PACRG: variants seen among roughly 807,000 people sequenced by gnomAD.
PACRG encodes the protein parkin coregulated, also known as parkin coregulated gene protein.
In PACRG, 29 loss-of-function variants were observed where a neutral mutation model predicts 29.7. The ratio of observed to expected loss-of-function variants is 0.98; its 90% CI spans 0.73 to 1.33. The LOEUF (loss-of-function observed/expected upper bound fraction) is 1.33, where lower values mean the gene tolerates loss of function less well. Among genes scored for constraint, PACRG ranks in the 40% most tolerant of loss-of-function variants. The probability of loss-of-function intolerance (pLI) is 0.00; values close to 1 mark genes in which losing one functional copy is unlikely to be tolerated. For synonymous variants in PACRG, 116 were observed against 118.7 expected, an observed-to-expected ratio of 0.98 and a Z score of 0.15; for missense variants, 279 against 316.2, an observed-to-expected ratio of 0.88 and a Z score of 0.89.
chr6:163,024,407 G>A (rs1372757033), intron 2 of PACRG, among the ~76,000 whole-genome samples: 1 of 152,084 alleles, frequency 6.6e-6, no homozygotes, highest in African/African-American at 2.4e-5. Context: ...TTATTTATGA[G>A]TTCTCTCTTC....
intron 2 of PACRG, among the ~76,000 whole-genome samples, chr6:162,936,277 G>C (rs9784845): frequency 0.11 from 17,070 of 152,172 alleles, 1,304 homozygotes; most frequent in East Asian, 0.26. Flanking sequence ...TTCAAGATGA[G>C]ATCTGGGTGG....
chr6:163,136,400 C>G (rs1236361585), intron 4 of PACRG, among the ~76,000 whole-genome samples: 5 of 152,158 alleles, frequency 3.3e-5, no homozygotes, highest in African/African-American at 4.8e-5. Flanking sequence ...TTGTCAAGAT[C>G]CATTTTAAAA....
In PACRG at chr6:162,990,197, A is replaced by G. The variant is rs1803318052; in HGVS notation, c.292-71953A>G. Among the ~76,000 whole-genome samples the G allele has an allele frequency of 8.6e-5, 13 of 151,552 alleles. No homozygotes were observed. In the South Asian group the frequency reaches 2.7e-3, roughly 32 times the overall value. On this transcript the variant is annotated intron_variant, in intron 2 of 4. Coordinates refer to ENST00000366888, the MANE Select transcript of PACRG (RefSeq NM_001080379.2). ...TATTGTGAATAATGCTGCAATAAAC[A>G]TACGTGTGCATGTGTCTTTATAGCA...
intron 4 of PACRG, among the ~76,000 whole-genome samples, chr6:163,112,944 C>T (rs1264428200): frequency 6.6e-6 from 1 of 152,060 alleles, no homozygotes; most frequent in Non-Finnish European, 1.5e-5. Flanking sequence ...TAGACAAAGG[C>T]TTTAAAAACA....
intron 1 of PACRG, among the ~76,000 whole-genome samples, chr6:162,757,329 A>G (rs1782004046): frequency 6.6e-6 from 1 of 152,172 alleles, no homozygotes; most frequent in Non-Finnish European, 1.5e-5. Flanking sequence ...TAAAACTGGC[A>G]TTAGAAGATT....
At chr6:162,867,401 C>A (rs992050848) in intron 2 of PACRG, among the ~76,000 whole-genome samples, 1 of 152,234 alleles carries the variant, frequency 6.6e-6, no homozygotes, top group East Asian at 1.9e-4. Flanking sequence ...AGATGTGAGA[C>A]TTCTTGGACA....
intron 2 of PACRG, among the ~76,000 whole-genome samples, chr6:162,920,229 G>A (rs1796973833): frequency 2.0e-5 from 3 of 152,148 alleles, no homozygotes; most frequent in Admixed American, 1.3e-4. Context: ...GAGGAAGAGA[G>A]GTGCTCTGTA....
At chr6:163,233,621 G>T (rs113422494) in intron 4 of PACRG, among the ~76,000 whole-genome samples, 2,778 of 152,316 alleles carry the variant, frequency 0.018, 92 homozygotes, top group African/African-American at 0.064. Flanking sequence ...AGGCCGTGGA[G>T]GGGGCAGGAT....
chr6:163,271,604 T>C (rs1783834552), intron 4 of PACRG, among the ~76,000 whole-genome samples: 1 of 152,196 alleles, frequency 6.6e-6, no homozygotes, highest in East Asian at 1.9e-4. Context: ...ACTTATTAAA[T>C]AGTTCATGTT....
At chr6:162,778,993 C>T (rs1312247324) in intron 1 of PACRG, among the ~76,000 whole-genome samples, 1 of 152,186 alleles carries the variant, frequency 6.6e-6, no homozygotes, top group African/African-American at 2.4e-5. Context: ...GTATTAAGTT[C>T]AGCACCCATT....
intron 4 of PACRG, among the ~76,000 whole-genome samples, chr6:163,314,573 T>C (rs1785572533): frequency 6.6e-6 from 1 of 152,216 alleles, no homozygotes; most frequent in Non-Finnish European, 1.5e-5. Context: ...CTTGTCATCT[T>C]TCTTGTAACT....
intron 2 of PACRG, among the ~76,000 whole-genome samples, chr6:162,955,652 G>T (rs531712549): frequency 1.3e-5 from 2 of 152,248 alleles, no homozygotes; most frequent in Middle Eastern, 6.8e-3. Context: ...TAGAAATAGC[G>T]TATGATTTAT....
At chr6:163,240,624 C>A (rs1782463307) in intron 4 of PACRG, among the ~76,000 whole-genome samples, 1 of 152,126 alleles carries the variant, frequency 6.6e-6, no homozygotes, top group South Asian at 2.1e-4. Context: ...TCACTTTCAC[C>A]CAGACCTCAC....
At chr6:162,756,822 T>G (rs1781962614) in intron 1 of PACRG, among the ~76,000 whole-genome samples, 1 of 152,168 alleles carries the variant, frequency 6.6e-6, no homozygotes, top group Non-Finnish European at 1.5e-5. Context: ...TTCTATTTGC[T>G]TCGTAGTCAC....
intron 2 of PACRG, among the ~76,000 whole-genome samples, chr6:162,932,278 A>T (rs535194763): frequency 2.0e-5 from 3 of 152,096 alleles, no homozygotes; most frequent in African/African-American, 7.2e-5. Context: ...GTAAAGAAGC[A>T]TGAGAAAACT....
intron 4 of PACRG, among the ~76,000 whole-genome samples, chr6:163,146,715 A>G (rs1379535079): frequency 6.6e-6 from 1 of 152,232 alleles, no homozygotes; most frequent in African/African-American, 2.4e-5. Context: ...CAAAGGATCT[A>G]ATAACATCTT....
At chr6:162,931,754 A>G (rs574703246) in intron 2 of PACRG, among the ~76,000 whole-genome samples, 47 of 152,160 alleles carry the variant, frequency 3.1e-4, no homozygotes, top group Non-Finnish European at 5.3e-4. Flanking sequence ...AAGACTTATT[A>G]TGTCATGTGT....
At chr6:163,240,750 C>T (rs1341958544) in intron 4 of PACRG, among the ~76,000 whole-genome samples, 1 of 152,212 alleles carries the variant, frequency 6.6e-6, no homozygotes, top group Non-Finnish European at 1.5e-5. Flanking sequence ...GCCGTCCTCA[C>T]CCTCGGGGCG....
chr6:163,146,417 A>G (rs775109925), intron 4 of PACRG, among the ~76,000 whole-genome samples: 5 of 152,242 alleles, frequency 3.3e-5, no homozygotes, highest in African/African-American at 9.6e-5. Flanking sequence ...TTAATAAGAC[A>G]AAGTCGTGAA....
Sources: allele counts gnomAD v4.1 joint callset (sites outside exome capture counted in the v4.1 genomes callset), GRCh38; gene constraint gnomAD v4.1.1; transcripts MANE v1.5; gene names NCBI Gene and HGNC (gene_info 2026-07-23, HGNC 2026-07-21).